The following DPYSL3 variants were observed in gnomAD, a reference collection of about 807,000 sequenced individuals.
DPYSL3 encodes the protein dihydropyrimidinase like 3.
A neutral mutation model predicts 66.1 loss-of-function variants in DPYSL3; 16 were observed. The ratio of observed to expected loss-of-function variants is 0.24; its 90% CI spans 0.16 to 0.37. The LOEUF (loss-of-function observed/expected upper bound fraction) is 0.37. DPYSL3 is among the 10% of genes least tolerant of loss of function. The probability of loss-of-function intolerance (pLI) is 1.00; values close to 1 mark genes in which losing one functional copy is unlikely to be tolerated. For synonymous variants in DPYSL3, 338 were observed against 345.1 expected, an observed-to-expected ratio of 0.98 and a Z score of 0.23; for missense variants, 738 against 916.2, an observed-to-expected ratio of 0.81 and a Z score of 2.51.
chr5:147,461,945 C>A (rs914877055), intron 1 of DPYSL3, among the ~76,000 whole-genome samples: 1 of 152,126 alleles, frequency 6.6e-6, no homozygotes, highest in African/African-American at 2.4e-5. Flanking sequence ...CCCTACCCCA[C>A]CAAAGATAGA....
At chr5:147,406,988 A>G (rs1466150727) in intron 7 of DPYSL3, among the ~76,000 whole-genome samples, 1 of 152,142 alleles carries the variant, frequency 6.6e-6, no homozygotes, top group African/African-American at 2.4e-5. Context: ...ATATGTGAAT[A>G]TGGACACCTT....
intron 1 of DPYSL3, among the ~76,000 whole-genome samples, chr5:147,474,238 C>T (rs1052466429): frequency 6.6e-6 from 1 of 152,012 alleles, no homozygotes; most frequent in African/African-American, 2.4e-5. Context: ...TTCCTTTGTC[C>T]TCCCATACAC....
At chr5:147,479,685 A>G (rs1047956511) in intron 1 of DPYSL3, among the ~76,000 whole-genome samples, 2 of 152,166 alleles carry the variant, frequency 1.3e-5, no homozygotes, top group Admixed American at 1.3e-4. Context: ...ACAAGGGCCA[A>G]TGCTGAGTCT....
chr5:147,425,228 T>C (rs1752173623), intron 1 of DPYSL3, among the ~76,000 whole-genome samples: 1 of 152,234 alleles, frequency 6.6e-6, no homozygotes, highest in Non-Finnish European at 1.5e-5. Flanking sequence ...TGGAAACATA[T>C]CTACTCAAGT....
intron 8 of DPYSL3, among the ~76,000 whole-genome samples, chr5:147,403,897 A>G (rs1188373466): frequency 1.3e-5 from 2 of 152,182 alleles, no homozygotes; most frequent in African/African-American, 4.8e-5. Flanking sequence ...ATTATGTGCC[A>G]AAAGGCTCAG....
intron 1 of DPYSL3, chr5:147,453,590 T>C: frequency 1.3e-6 from 2 of 1,536,856 alleles, no homozygotes; most frequent in Non-Finnish European, 1.8e-6. Context: ...TAGGACATGG[T>C]GGCGGTGGTG....
chr5:147,509,564 C>A lies in DPYSL3; in HGVS notation c.295G>T (p.Ala99Ser). Residue 99 changes from alanine (A) to serine (S), a missense_variant, in exon 1 of 14, where the codon GCG (alanine) becomes TCG (serine). Physicochemically the swap from Ala to Ser is moderately conservative, Grantham distance 99. Transcript: ENST00000343218. The surrounding 1 kb of genome is among the most constrained non-coding windows in gnomAD (Gnocchi z 5.3). The stretch of plus-strand genomic sequence containing the variant: ...CCGGCGGGGGCGGGGGAGGCGGGCG[C>A]GGGCTCCCTGCTCTCTTCCCGGCCT... ...GQGREESREPAPASPAPAGVE... is the reference protein window; with the variant it reads ...GQGREESREPSPASPAPAGVE... 1.3e-6 allele frequency: 2 copies of A among 1,535,012 alleles called. No individual in the cohort carries two copies. The highest frequency in any genetic ancestry group is 1.4e-5 in the African/African-American group (1 of 73,138).
At chr5:147,427,906 G>C (rs77597130) in intron 1 of DPYSL3, among the ~76,000 whole-genome samples, 1,683 of 152,254 alleles carry the variant, frequency 0.011, 33 homozygotes, top group African/African-American at 0.039. Context: ...ACTGGGTTTT[G>C]GAAAGGGGCC....
chr5:147,480,786 G>T (rs1428365050), intron 1 of DPYSL3, among the ~76,000 whole-genome samples: 1 of 150,596 alleles, frequency 6.6e-6, no homozygotes, highest in South Asian at 2.1e-4. Context: ...GCAATGGCGC[G>T]ATCTCAGCTC....
intron 1 of DPYSL3, among the ~76,000 whole-genome samples, chr5:147,501,969 G>A (rs1446847723): frequency 3.3e-5 from 5 of 152,052 alleles, no homozygotes; most frequent in Non-Finnish European, 7.4e-5. Context: ...TTTTAAAAAG[G>A]TGATATCTTA....
At chr5:147,416,146 A>T (rs1751963582) in intron 3 of DPYSL3, among the ~76,000 whole-genome samples, 1 of 152,086 alleles carries the variant, frequency 6.6e-6, no homozygotes. Flanking sequence ...GGGTGTTACT[A>T]GTGCCTTTCT....
chr5:147,428,457 G>T (rs1010870819), intron 1 of DPYSL3, among the ~76,000 whole-genome samples: 2 of 152,064 alleles, frequency 1.3e-5, no homozygotes, highest in African/African-American at 4.8e-5. Flanking sequence ...AATCTGAAAG[G>T]CAATTCTTAG....
At chr5:147,414,011 C>T (rs1449979261) in intron 4 of DPYSL3, among the ~76,000 whole-genome samples, 1 of 152,078 alleles carries the variant, frequency 6.6e-6, no homozygotes, top group African/African-American at 2.4e-5. Flanking sequence ...GTGTTCATAC[C>T]CTGGGGGCTG....
intron 1 of DPYSL3, among the ~76,000 whole-genome samples, chr5:147,501,627 T>C (rs1753614381): frequency 6.6e-6 from 1 of 151,906 alleles, no homozygotes; most frequent in Non-Finnish European, 1.5e-5. Flanking sequence ...TACAGGTGCC[T>C]GCCATCACAC....
intron 1 of DPYSL3, among the ~76,000 whole-genome samples, chr5:147,506,145 G>T (rs1753683258): frequency 6.6e-6 from 1 of 152,102 alleles, no homozygotes; most frequent in Admixed American, 6.5e-5. Flanking sequence ...GTACAAAGCT[G>T]GCAGTAGGAG....
intron 8 of DPYSL3, among the ~76,000 whole-genome samples, chr5:147,403,846 C>T (rs1758262014): frequency 6.6e-6 from 1 of 152,160 alleles, no homozygotes; most frequent in Admixed American, 6.5e-5. Flanking sequence ...ACCCCCATTC[C>T]ACCCCGGAGA....
Position 147,446,586 on chromosome 5 carries a change from G to A in DPYSL3, c.382-21623C>T, listed in dbSNP as rs181584143. On this transcript the variant is annotated intron_variant, in intron 1 of 13. Coordinates refer to ENST00000343218, the MANE Select transcript of DPYSL3 (RefSeq NM_001197294.2). Reference sequence around the variant, plus strand: ...GTGTGTCCTGTTAATGTTTCTCCGCGTGACTGAAGGGAAACAGACAGCCTG... The same window carrying A: ...GTGTGTCCTGTTAATGTTTCTCCGCATGACTGAAGGGAAACAGACAGCCTG... 3.0e-4 allele frequency among the ~76,000 whole-genome samples: 46 copies of A among 152,260 alleles called. No individual in the cohort carries two copies. In the East Asian group the frequency reaches 6.4e-3, roughly 21 times the overall value.
intron 6 of DPYSL3, among the ~76,000 whole-genome samples, chr5:147,410,391 T>G (rs901853636): frequency 1.3e-5 from 2 of 152,174 alleles, no homozygotes; most frequent in African/African-American, 4.8e-5. Context: ...CTGTTCAGGC[T>G]AGGAAGTCCT....
chr5:147,492,794 G>T (rs1386126469), intron 1 of DPYSL3, among the ~76,000 whole-genome samples: 2 of 152,046 alleles, frequency 1.3e-5, no homozygotes, highest in Non-Finnish European at 2.9e-5. Context: ...ACAACAAATA[G>T]AATACATCAA....
Sources: gnomAD v4.1 joint callset for allele counts (sites outside exome capture counted in the v4.1 genomes callset) on GRCh38, gnomAD v4.1.1 for gene constraint, Gnocchi (gnomAD v3.1) non-coding constraint, MANE v1.5 for transcripts, NCBI Gene and HGNC (gene_info 2026-07-23, HGNC 2026-07-21) for gene names.